The following ANKS1A variants were observed in gnomAD, a reference collection of about 807,000 sequenced individuals.
The protein encoded by ANKS1A is ankyrin repeat and SAM domain-containing protein 1A.
In ANKS1A, 55 loss-of-function variants were observed where a neutral mutation model predicts 120.3. The ratio of observed to expected loss-of-function variants is 0.46; its 90% confidence interval spans 0.37 to 0.57. The LOEUF (loss-of-function observed/expected upper bound fraction) is 0.57, where lower values mean the gene tolerates loss of function less well. Among genes scored for constraint, ANKS1A ranks in the 20% least tolerant of loss-of-function variants. The probability of loss-of-function intolerance (pLI) is 0.00; values close to 1 mark genes in which losing one functional copy is unlikely to be tolerated. For missense variants in ANKS1A, 1,123 were observed against 1,480.3 expected, an observed-to-expected ratio of 0.76 and a Z score of 3.96; for synonymous variants, 590 against 604.7, an observed-to-expected ratio of 0.98 and a Z score of 0.36.
chr6:34,976,492 CA>C (rs1385352462), intron 3 of ANKS1A, among the ~76,000 whole-genome samples: 1 of 151,976 alleles, frequency 6.6e-6, no homozygotes, highest in African/African-American at 2.4e-5. Context: ...GAGTAACAAT[CA>C]AATTAATATT....
chr6:35,088,873 C>G lies in ANKS1A; in HGVS notation c.*264C>G. 2 of 1,420,212 alleles carry G rather than the reference C, an allele frequency of 1.4e-6. No homozygotes were observed. Among genetic ancestry groups the G allele is most frequent in the Non-Finnish European group, 1.8e-6 (2 of 1,090,976 alleles). 88.0% of individuals were successfully genotyped at this position (1,420,212 alleles called of 1,614,324 possible). The stretch of plus-strand genomic sequence containing the variant: ...GTCAAGAAGTGACTTGTTCAGAACA[C>G]ATTGTTTTTAACAGAAAAAAAATCT... On this transcript the variant is annotated 3_prime_UTR_variant, in exon 24 of 24. Transcript: ENST00000360359.
At position 35,084,279 on chromosome 6, in the gene ANKS1A, G is replaced by A. The variant is rs200910974; in HGVS notation, c.3132+21G>A. The A allele has an allele frequency of 1.6e-5, 26 of 1,612,082 alleles. No individual in the cohort carries two copies. The highest frequency in any genetic ancestry group is 2.7e-5 in the African/African-American group (2 of 75,044). ...ATGTGGTGGGTGGGGTCCTGGGGCC[G>A]GGTGGGGCAGGCTTGGGTTGCAGCC... On this transcript the variant is annotated intron_variant, in intron 21 of 23. Transcript: ENST00000360359. The surrounding 1 kb of genome is among the most constrained non-coding windows in gnomAD (Gnocchi z 4.8).
chr6:35,072,785 G>T (rs1024437176), intron 13 of ANKS1A, among the ~76,000 whole-genome samples: 1 of 152,222 alleles, frequency 6.6e-6, no homozygotes, highest in Admixed American at 6.5e-5. Flanking sequence ...GGGATTCTAC[G>T]GAGGGAGGCA....
At chr6:34,934,007 A>G (rs547517484) in intron 1 of ANKS1A, among the ~76,000 whole-genome samples, 1 of 152,364 alleles carries the variant, frequency 6.6e-6, no homozygotes, top group Non-Finnish European at 1.5e-5. Context: ...TGGAAGAAAC[A>G]GCCAGATAAC....
intron 13 of ANKS1A, among the ~76,000 whole-genome samples, chr6:35,077,050 G>T (rs978621426): frequency 6.6e-6 from 1 of 152,222 alleles, no homozygotes; most frequent in South Asian, 2.1e-4. Context: ...TGGATGAGAT[G>T]ATCCTACTCC....
chr6:35,055,726 C>T (rs1348822764), intron 12 of ANKS1A, among the ~76,000 whole-genome samples: 1 of 152,234 alleles, frequency 6.6e-6, no homozygotes, highest in African/African-American at 2.4e-5. Flanking sequence ...CCACAGTTTT[C>T]AGTCCTGGTT....
At chr6:35,042,238 G>A (rs1350735498) in intron 11 of ANKS1A, among the ~76,000 whole-genome samples, 1 of 152,132 alleles carries the variant, frequency 6.6e-6, no homozygotes, top group Non-Finnish European at 1.5e-5. Flanking sequence ...AGAGGATATC[G>A]ACACAGGAAC....
chr6:34,911,774 T>G (rs888281293), intron 1 of ANKS1A, among the ~76,000 whole-genome samples: 4 of 152,150 alleles, frequency 2.6e-5, no homozygotes, highest in Non-Finnish European at 5.9e-5. Flanking sequence ...CTATAAATCC[T>G]TGACAGTTTA....
chr6:35,077,436 C>T (rs1484318702), intron 13 of ANKS1A, among the ~76,000 whole-genome samples: 4 of 152,150 alleles, frequency 2.6e-5, no homozygotes, highest in Non-Finnish European at 4.4e-5. Flanking sequence ...AACAAGGCAC[C>T]GAGCGTGTGC....
intron 1 of ANKS1A, among the ~76,000 whole-genome samples, chr6:34,943,939 G>A (rs1264147642): frequency 2.0e-5 from 3 of 152,304 alleles, no homozygotes; most frequent in South Asian, 4.1e-4. Context: ...TATGGTAAGC[G>A]TATATTTAGC....
intron 2 of ANKS1A, among the ~76,000 whole-genome samples, chr6:34,969,523 GGGATTACA>G (rs1390192156): frequency 6.6e-6 from 1 of 152,198 alleles, no homozygotes. Flanking sequence ...CCAAAGTGCT[GGGATTACA>G]GGCGTGAGCC....
chr6:34,926,980 A>G lies in ANKS1A; in HGVS notation c.197+37381A>G, dbSNP rs191132830. Among the ~76,000 whole-genome samples the G allele has an allele frequency of 3.5e-3, 533 of 152,252 alleles. 2 individuals carry two copies. Among genetic ancestry groups the G allele is most frequent in the African/African-American group, 0.012 (480 of 41,544 alleles). On this transcript the variant is annotated intron_variant, in intron 1 of 23. Transcript: ENST00000360359. ...CACCAGGTTGAATTCTGGCTCCAGG[A>G]TTTCCTGCTGTGTGACCTTGGGCCA...
At chr6:35,011,341 A>G (rs2820239) in intron 10 of ANKS1A, among the ~76,000 whole-genome samples, 138,706 of 152,188 alleles carry the variant, frequency 0.91, 63,914 homozygotes, top group East Asian at 0.99. Flanking sequence ...GACAGCAAAT[A>G]TGCTATTAAA....
intron 10 of ANKS1A, among the ~76,000 whole-genome samples, chr6:34,996,204 C>A (rs1398119080): frequency 1.3e-5 from 2 of 152,072 alleles, no homozygotes; most frequent in African/African-American, 4.8e-5. Flanking sequence ...TGATGTTGAG[C>A]ATTGATTAAT....
intron 1 of ANKS1A, among the ~76,000 whole-genome samples, chr6:34,932,313 G>T (rs954202283): frequency 6.6e-6 from 1 of 152,196 alleles, no homozygotes; most frequent in African/African-American, 2.4e-5. Context: ...AGCCTGCCGA[G>T]TAACTCGGAT....
At chr6:35,020,118 A>G (rs553748752) in intron 11 of ANKS1A, among the ~76,000 whole-genome samples, 47 of 152,156 alleles carry the variant, frequency 3.1e-4, no homozygotes, top group Middle Eastern at 6.8e-3. Flanking sequence ...GATTTGCACC[A>G]GGTAGTGAGA....
At chr6:34,915,958 T>C (rs1997775) in intron 1 of ANKS1A, among the ~76,000 whole-genome samples, 14,531 of 150,802 alleles carry the variant, frequency 0.096, 1,553 homozygotes, top group African/African-American at 0.26. Context: ...CTGAAGAATT[T>C]GGAGGTAAAG....
rs1431993598 is a variant in ANKS1A at position 34,982,713 on chromosome 6, C to T, written c.733-39C>T. On this transcript the variant is annotated intron_variant, in intron 4 of 23. Transcript: ENST00000360359. The surrounding 1 kb of genome is among the most constrained non-coding windows in gnomAD (Gnocchi z 4.9). ...TCACGTGAAGCCGCACCAAACTGTT[C>T]TGATGACATCCCGCTCTGCGCTCTC... 1 of 1,610,262 alleles carries T rather than the reference C, an allele frequency of 6.2e-7. No homozygotes were observed. Among genetic ancestry groups the T allele is most frequent in the East Asian group, 2.2e-5 (1 of 44,880 alleles).
At chr6:34,969,365 C>A (rs1433052416) in intron 2 of ANKS1A, among the ~76,000 whole-genome samples, 1 of 152,176 alleles carries the variant, frequency 6.6e-6, no homozygotes, top group Non-Finnish European at 1.5e-5. Context: ...GCAATTCTCC[C>A]TGCTTCACCC....
Sources: allele counts gnomAD v4.1 joint callset (sites outside exome capture counted in the v4.1 genomes callset), GRCh38; gene constraint gnomAD v4.1.1; non-coding constraint Gnocchi (gnomAD v3.1); transcripts MANE v1.5; gene names NCBI Gene and HGNC (gene_info 2026-07-23, HGNC 2026-07-21).